Variants in LACTBL1 observed in about 807,000 individuals in gnomAD.
LACTBL1 encodes beta-lactamase-like protein 1.
A neutral mutation model predicts 39.6 loss-of-function variants in LACTBL1; 29 were observed. That is an observed-to-expected ratio of 0.73 (90% CI 0.55 to 1.00). The LOEUF (loss-of-function observed/expected upper bound fraction) is 1.00, where lower values mean the gene tolerates loss of function less well. Among genes scored for constraint, LACTBL1 ranks in the 50% least tolerant of loss-of-function variants. LACTBL1 has a pLI of 0.00. For missense variants in LACTBL1, 711 were observed against 748.5 expected, an observed-to-expected ratio of 0.95 and a Z score of 0.59; for synonymous variants, 361 against 360.7, an observed-to-expected ratio of 1.00 and a Z score of -0.01.
upstream of LACTBL1, among the ~76,000 whole-genome samples, chr1:22,966,679 T>G (rs1640879834): frequency 6.6e-6 from 1 of 152,212 alleles, no homozygotes; most frequent in South Asian, 2.1e-4. Context: ...TCCCCTCTAC[T>G]TCAGACTCCC....
At chr1:22,953,856 G>T in exon 6 of LACTBL1, 8 of 1,548,646 alleles carry the variant, frequency 5.2e-6, no homozygotes, top group Non-Finnish European at 7.0e-6. Context: ...TGCCGTAGAA[G>T]CCCGCGGCCA....
Position 22,960,103 on chromosome 1 carries a change from G to A in LACTBL1, c.160-4C>T, listed in dbSNP as rs1334228568. The A allele has an allele frequency of 6.4e-7, 1 of 1,550,414 alleles. No individual in the cohort carries two copies. Among genetic ancestry groups the A allele is most frequent in the Admixed American group, 2.0e-5 (1 of 50,988 alleles). ...CCTGGCGCAGGATCTGGTCCACCTTGAGGGAAAAGAACGGGTGCAGTGACA... is the reference window on the plus strand; with the variant it reads ...CCTGGCGCAGGATCTGGTCCACCTTAAGGGAAAAGAACGGGTGCAGTGACA... On this transcript the variant is annotated splice_region_variant and splice_polypyrimidine_tract_variant and intron_variant, in intron 2 of 5. Transcript: ENST00000426928.
upstream of LACTBL1, among the ~76,000 whole-genome samples, chr1:22,966,622 C>G (rs1283317930): frequency 6.6e-6 from 1 of 152,170 alleles, no homozygotes; most frequent in Non-Finnish European, 1.5e-5. Context: ...TGCACAAGGA[C>G]ACCAGCCACA....
upstream of LACTBL1, among the ~76,000 whole-genome samples, chr1:22,969,150 T>C (rs1258936801): frequency 6.6e-6 from 1 of 152,220 alleles, no homozygotes; most frequent in Non-Finnish European, 1.5e-5. Context: ...ATCAGTATTG[T>C]CTTTTTGGTT....
exon 6 of LACTBL1, chr1:22,953,592 G>A (rs1640730833): frequency 1.6e-6 from 2 of 1,256,630 alleles, no homozygotes; most frequent in Non-Finnish European, 2.0e-6. Context: ...CGTCCAGATC[G>A]CCGTCCTTGC....
In LACTBL1 at chr1:22,953,886, C is replaced by T. The variant is rs1640736421; in HGVS notation, c.798G>A (p.Thr266=). The change falls in exon 6 of 6, where the codon ACG becomes ACA. Residue 266 remains threonine (T), a synonymous_variant. Coordinates refer to ENST00000426928, the Ensembl canonical transcript of LACTBL1. Reference sequence around the variant, plus strand: ...CGGCCAGGCGCGCGCGCACGTCGGGCGTGAGGTCAAAGCCCGTGTCTGCCA... The same window carrying T: ...CGGCCAGGCGCGCGCGCACGTCGGGTGTGAGGTCAAAGCCCGTGTCTGCCA... The T allele has an allele frequency of 3.2e-6, 5 of 1,549,812 alleles. No homozygotes were observed. The South Asian group carries it at 3.6e-5, about 11-fold the overall frequency.
intron 1 of LACTBL1, among the ~76,000 whole-genome samples, chr1:22,965,089 G>A (rs4655138): frequency 0.57 from 87,299 of 151,952 alleles, 27,430 homozygotes; most frequent in Non-Finnish European, 0.7. Context: ...TTTTATACAC[G>A]AGGACATCGA....
At chr1:22,960,193 C>T (rs1222495425) in intron 2 of LACTBL1, 94 bp from the exon 5 acceptor site, 2 of 1,425,794 alleles carry the variant, frequency 1.4e-6, no homozygotes, top group East Asian at 2.5e-5. Flanking sequence ...TCACACCCTG[C>T]ATGCAGCACC....
chr1:22,960,294 C>T (rs568332614), intron 2 of LACTBL1, among the ~76,000 whole-genome samples, 195 bp from the exon 5 acceptor site: 27 of 152,128 alleles, frequency 1.8e-4, no homozygotes, highest in Non-Finnish European at 1.5e-4. Context: ...AGTTTCTTAG[C>T]AAAATAAAAA....
At chr1:22,954,885 C>T (rs1640745581) in intron 5 of LACTBL1, among the ~76,000 whole-genome samples, 2 of 152,208 alleles carry the variant, frequency 1.3e-5, no homozygotes, top group African/African-American at 4.8e-5. Flanking sequence ...CACAGCCCCA[C>T]TGCTCCCAGA....
chr1:22,953,931 G>A lies in LACTBL1; in HGVS notation c.753C>T (p.Asn251=), dbSNP rs12048993. The change falls in exon 6 of 6, where the codon AAC becomes AAT. Residue 251 remains asparagine (N), a synonymous_variant. Coordinates refer to ENST00000426928, the Ensembl canonical transcript of LACTBL1. ...CTGCCATCCCCAGCGGCTCCAGCAC[G>A]TTCTCCGAGACCCAGCGCTGGTAGT... 42 of 1,550,026 alleles carry A rather than the reference G, an allele frequency of 2.7e-5. No individual in the cohort carries two copies. In the African/African-American group the frequency reaches 3.3e-4, roughly 12 times the overall value.
the LACTBL1 span, among the ~76,000 whole-genome samples, chr1:22,970,682 C>A: frequency 6.6e-6 from 1 of 151,886 alleles, no homozygotes; most frequent in Non-Finnish European, 1.5e-5. Flanking sequence ...TGCTGGCATG[C>A]ACCTGTAGTC....
the LACTBL1 span, among the ~76,000 whole-genome samples, chr1:22,970,677 G>C: frequency 1.1e-3 from 165 of 152,152 alleles, no homozygotes; most frequent in Non-Finnish European, 2.0e-3. Flanking sequence ...AGGCATGCTG[G>C]CATGCACCTG....
At chr1:22,953,377 G>T (rs1041908955) in exon 6 of LACTBL1, 39 of 1,228,432 alleles carry the variant, frequency 3.2e-5, no homozygotes, top group Non-Finnish European at 4.0e-5. Context: ...GGTCAGGTTG[G>T]CGAAGGTGAA....
exon 3 of LACTBL1, chr1:22,960,031 G>A (rs1301844217): frequency 1.3e-6 from 2 of 1,550,930 alleles, no homozygotes; most frequent in East Asian, 2.4e-5. Flanking sequence ...CAGTATCATT[G>A]TGGATGACAA....
At chr1:22,971,541 G>T in the LACTBL1 span, among the ~76,000 whole-genome samples, 1 of 152,036 alleles carries the variant, frequency 6.6e-6, no homozygotes, top group Non-Finnish European at 1.5e-5. Context: ...GGTGTTCTGT[G>T]CCCCAATCAC....
intron 4 of LACTBL1, among the ~76,000 whole-genome samples, chr1:22,958,239 C>G (rs574699442): frequency 5.3e-4 from 81 of 152,230 alleles, no homozygotes; most frequent in Admixed American, 1.5e-3. Context: ...GTGTGTACCA[C>G]CATGCCTGGG....
exon 6 of LACTBL1, chr1:22,953,304 C>T (rs1640723756): frequency 2.4e-6 from 3 of 1,226,284 alleles, no homozygotes; most frequent in East Asian, 3.2e-5. Flanking sequence ...CCAGCGCCTC[C>T]ACGCGCGGCC....
upstream of LACTBL1, among the ~76,000 whole-genome samples, chr1:22,966,458 C>T (rs751476641): frequency 6.6e-5 from 10 of 152,176 alleles, no homozygotes; most frequent in Non-Finnish European, 1.2e-4. Context: ...TCAGTACACA[C>T]GCAATCCCTC....
Sources: gnomAD v4.1 joint callset for allele counts (sites outside exome capture counted in the v4.1 genomes callset) on GRCh38, gnomAD v4.1.1 for gene constraint, MANE v1.5 for transcripts, NCBI Gene and HGNC (gene_info 2026-07-23, HGNC 2026-07-21) for gene names.